CLEC11A: variants seen among roughly 807,000 people sequenced by gnomAD.
The protein encoded by CLEC11A is C-type lectin domain family 11 member A.
In CLEC11A, 35 loss-of-function variants were observed where a neutral mutation model predicts 33.9. The ratio of observed to expected loss-of-function variants is 1.03; its 90% CI spans 0.79 to 1.37. CLEC11A has a LOEUF of 1.37. Ranked by LOEUF, CLEC11A falls within the 40% of genes most tolerant of loss-of-function variation. The pLI, the probability that CLEC11A is intolerant of heterozygous loss-of-function variation, is 0.00. For missense variants in CLEC11A, 519 were observed against 455.5 expected (o/e 1.14, Z -1.27); for synonymous variants, 220 against 202.2 (o/e 1.09, Z -0.75).
In CLEC11A at chr19:50,725,687, A is replaced by G. The variant is rs1435870797; in HGVS notation, c.*220A>G. The G allele has an allele frequency of 8.8e-6, 7 of 795,376 alleles. No homozygotes were observed. The highest frequency in any genetic ancestry group is 1.8e-5 in the African/African-American group (1 of 57,038). The allele number at this position is 795,376 out of a possible 1,614,324, so 49.3% of individuals were successfully genotyped here. A position where few individuals can be genotyped will look rare whatever the true frequency, so the allele number is the denominator to read the frequency against. ...CGGGCACCAGGCTAGGTCCGGTGCC[A>G]ATAAATCCTTGTGGAATCTGACTTG... On this transcript the variant is annotated 3_prime_UTR_variant, in exon 4 of 4. Transcript: ENST00000250340.
Position 50,725,534 on chromosome 19 carries a change from C to T in CLEC11A, c.*67C>T. 2.7e-6 allele frequency: 4 copies of T among 1,466,622 alleles called. No individual in the cohort carries two copies. The South Asian group carries it at 4.2e-5, about 15-fold the overall frequency. The allele number at this position is 1,466,622 out of a possible 1,614,324, so 90.9% of individuals were successfully genotyped here. A position where few individuals can be genotyped will look rare whatever the true frequency, so the allele number is the denominator to read the frequency against. On this transcript the variant is annotated 3_prime_UTR_variant, in exon 4 of 4. Coordinates refer to ENST00000250340, the MANE Select transcript of CLEC11A (RefSeq NM_002975.3). ...CCTTTCCCTGCGCCGTGCCCACCCT[C>T]CTCCGGAATCTCCCTTCCCTTCCTG...
rs765429884 is a variant in CLEC11A, at chr19:50,725,089, G to GGCGGCGCAGGC, written c.599_609dup (p.Cys204ArgfsTer205). The GGCGGCGCAGGC allele has an allele frequency of 6.6e-5, 100 of 1,521,378 alleles. No individual in the cohort carries two copies. The highest frequency in any genetic ancestry group is 1.7e-4 in the Middle Eastern group (1 of 5,860). 94.2% of individuals were successfully genotyped at this position (1,521,378 alleles called of 1,614,324 possible). A position where few individuals can be genotyped will look rare whatever the true frequency, so the allele number is the denominator to read the frequency against. ...TCTCGCGCGACTTCGAAGCTCAGGC[G>GGCGGCGCAGGC]GCGGCGCAGGCGCGGTGCACGGCGC... On this transcript the variant is annotated frameshift_variant, in exon 4 of 4. Coordinates refer to ENST00000250340, the MANE Select transcript of CLEC11A (RefSeq NM_002975.3). LOFTEE classifies it high-confidence loss of function.
In CLEC11A at chr19:50,723,646, C is replaced by A; in HGVS notation, c.121C>A (p.Arg41=). The A allele has an allele frequency of 6.3e-7, 1 of 1,596,512 alleles. No individual in the cohort carries two copies. The highest frequency in any genetic ancestry group is 8.5e-7 in the Non-Finnish European group (1 of 1,172,716). ...GGWGGAQEEE[R]EREALMLKHL... ...CTGGGGAGGTGCCCAGGAGGAGGAG[C>A]GGGAGAGGGAGGCCCTGATGCTGAA... The change falls in exon 1 of 4, where the codon CGG becomes AGG. Residue 41 remains arginine, a synonymous_variant. Coordinates refer to ENST00000250340, the MANE Select transcript of CLEC11A (RefSeq NM_002975.3). The surrounding 1 kb of genome is among the most constrained non-coding windows in gnomAD (Gnocchi z 4.1).
At position 50,725,341 on chromosome 19, in the gene CLEC11A, G is replaced by A. The variant is rs372270047; in HGVS notation, c.846G>A (p.Pro282=). 1.2e-6 allele frequency: 2 copies of A among 1,611,894 alleles called. No individual in the cohort carries two copies. Among genetic ancestry groups the A allele is most frequent in the South Asian group, 1.1e-5 (1 of 90,912 alleles). The stretch of plus-strand genomic sequence containing the variant: ...CCCAGCCCAGCGCCTCGCCGCATCC[G>A]CTCAGCCCGGACCAGCCCAACGGTG... ...LGAQPSASPH[P]LSPDQPNGGT... is the part of the protein sequence containing the mutation. The change falls in exon 4 of 4, where the codon CCG becomes CCA. Residue 282 remains proline (P), a synonymous_variant. Transcript: ENST00000250340.
Position 50,723,395 on chromosome 19 carries a change from C to A in CLEC11A, c.-131C>A. 1 of 859,514 alleles carries A rather than the reference C, an allele frequency of 1.2e-6. No individual in the cohort carries two copies. The highest frequency in any genetic ancestry group is 1.9e-6 in the Non-Finnish European group (1 of 531,742). The allele number at this position is 859,514 out of a possible 1,614,324, so 53.2% of individuals were successfully genotyped here. ...GAGGAGAGGAACAGGAAGAGAGAAG[C>A]TGGGAGAATCGGGAACCTGGGGGCT... is the stretch of plus-strand genomic sequence containing the variant. On this transcript the variant is annotated 5_prime_UTR_variant, in exon 1 of 4. In the 5' UTR this introduces an upstream ATG that the reference lacks. Coordinates refer to ENST00000250340, the MANE Select transcript of CLEC11A (RefSeq NM_002975.3). This position sits in a 1 kb window ranked among gnomAD's most constrained non-coding sequence, Gnocchi z 4.1.
Position 50,725,371 on chromosome 19 carries a change from G to C in CLEC11A, c.876G>C (p.Thr292=). 1 of 1,612,058 alleles carries C rather than the reference G, an allele frequency of 6.2e-7. No individual in the cohort carries two copies. The highest frequency in any genetic ancestry group is 8.5e-7 in the Non-Finnish European group (1 of 1,179,464). Residue 292 remains threonine, a synonymous_variant, in exon 4 of 4, where the codon ACG becomes ACC. Coordinates refer to ENST00000250340, the MANE Select transcript of CLEC11A (RefSeq NM_002975.3). Reference sequence around the variant, plus strand: ...GCCCGGACCAGCCCAACGGTGGCACGCTCGAGAACTGCGTGGCGCAGGCCT... The same window carrying C: ...GCCCGGACCAGCCCAACGGTGGCACCCTCGAGAACTGCGTGGCGCAGGCCT... The part of the protein sequence containing the change: ...PLSPDQPNGG[T]LENCVAQASD...
rs2089179731 is a variant in CLEC11A, at chr19:50,725,373, T to C, written c.878T>C (p.Leu293Pro). The C allele has an allele frequency of 6.2e-7, 1 of 1,612,092 alleles. No homozygotes were observed. The highest frequency in any genetic ancestry group is 8.5e-7 in the Non-Finnish European group (1 of 1,179,494). ...LSPDQPNGGTLENCVAQASDD... is the reference protein window; with the variant it reads ...LSPDQPNGGTPENCVAQASDD... ...CCGGACCAGCCCAACGGTGGCACGC[T>C]CGAGAACTGCGTGGCGCAGGCCTCT... The change falls in exon 4 of 4, where the codon CTC becomes CCC. Residue 293 changes from leucine to proline, a missense_variant. By Grantham distance (98) the Leu-to-Pro change is moderately conservative. Coordinates refer to ENST00000250340, the MANE Select transcript of CLEC11A (RefSeq NM_002975.3).
Position 50,724,377 on chromosome 19 carries a change from T to G in CLEC11A, c.335-33T>G. 2 of 1,438,006 alleles carry G rather than the reference T, an allele frequency of 1.4e-6. No homozygotes were observed. Among genetic ancestry groups the G allele is most frequent in the Non-Finnish European group, 1.8e-6 (2 of 1,102,850 alleles). The allele number at this position is 1,438,006 out of a possible 1,614,324, so 89.1% of individuals were successfully genotyped here. The stretch of plus-strand genomic sequence containing the variant: ...CAGGCCCCCCGCTGCATCTCCAGGC[T>G]CCCCCTCCAGCATGATCCCTGTCTG... On this transcript the variant is annotated intron_variant, in intron 2 of 3. Coordinates refer to ENST00000250340, the MANE Select transcript of CLEC11A (RefSeq NM_002975.3). The surrounding 1 kb of genome is among the most constrained non-coding windows in gnomAD (Gnocchi z 4.1).
In CLEC11A at chr19:50,724,176, T is replaced by C; in HGVS notation, c.334+85T>C. 1.3e-6 allele frequency: 2 copies of C among 1,595,380 alleles called. No individual in the cohort carries two copies. Among genetic ancestry groups the C allele is most frequent in the Non-Finnish European group, 8.5e-7 (1 of 1,173,064 alleles). On this transcript the variant is annotated intron_variant, in intron 2 of 3. Transcript: ENST00000250340. This position sits in a 1 kb window ranked among gnomAD's most constrained non-coding sequence, Gnocchi z 4.1. ...AATGAAGGGTCGGTTCACTGCCAAG[T>C]GGCCTTTCAGTTGTCCATTGCCCAG... is the stretch of plus-strand genomic sequence containing the variant.
Position 50,723,515 on chromosome 19 carries a change from A to G in CLEC11A, c.-11A>G. The G allele has an allele frequency of 6.2e-7, 1 of 1,611,862 alleles. No individual in the cohort carries two copies. The highest frequency in any genetic ancestry group is 8.5e-7 in the Non-Finnish European group (1 of 1,179,784). On this transcript the variant is annotated 5_prime_UTR_variant, in exon 1 of 4. Transcript: ENST00000250340. The surrounding 1 kb of genome is among the most constrained non-coding windows in gnomAD (Gnocchi z 4.1). ...GACATCTGGAACTTTGGGTGCCAAGAGTCCAGCTTAATGCAGGCAGCCTGG... is the reference window on the plus strand; with the variant it reads ...GACATCTGGAACTTTGGGTGCCAAGGGTCCAGCTTAATGCAGGCAGCCTGG...
Position 50,725,172 on chromosome 19 carries a change from A to T in CLEC11A, c.677A>T (p.Tyr226Phe). The T allele has an allele frequency of 5.7e-6, 9 of 1,576,952 alleles. No individual in the cohort carries two copies. Among genetic ancestry groups the T allele is most frequent in the Non-Finnish European group, 7.7e-6 (9 of 1,163,024 alleles). ...CAGCAGATGGAGGCGCTCACTCGGT[A>T]CCTGCGCGCGGCGCTCGCTCCCTAC... ...DRQQMEALTR[Y>F]LRAALAPYNW... Residue 226 changes from tyrosine (Y) to phenylalanine (F), a missense_variant, in exon 4 of 4, where the codon TAC becomes TTC. Transcript: ENST00000250340.
rs1431659334 is a variant in CLEC11A at position 50,724,311 on chromosome 19, C to T, written c.335-99C>T. ...GTCCGGGGTGCCCCCCCCACCGCCACCCCGCCCTCAGGAGCCCTAGATCCC... is the reference window on the plus strand; with the variant it reads ...GTCCGGGGTGCCCCCCCCACCGCCATCCCGCCCTCAGGAGCCCTAGATCCC... On this transcript the variant is annotated intron_variant, in intron 2 of 3. Coordinates refer to ENST00000250340, the MANE Select transcript of CLEC11A (RefSeq NM_002975.3). This position sits in a 1 kb window ranked among gnomAD's most constrained non-coding sequence, Gnocchi z 4.1. 1.8e-6 allele frequency: 2 copies of T among 1,126,210 alleles called. No homozygotes were observed. The highest frequency in any genetic ancestry group is 5.9e-5 in the Admixed American group (2 of 33,822). 69.8% of individuals were successfully genotyped at this position (1,126,210 alleles called of 1,614,324 possible).
At position 50,725,031 on chromosome 19, in the gene CLEC11A, A is replaced by T; in HGVS notation, c.536A>T (p.Lys179Met). ...CCGGCCCCGCCCACAGGCTGCCTGAAGGGGCTGCGCCTGGGCCACAAGTGC... is the reference window on the plus strand; with the variant it reads ...CCGGCCCCGCCCACAGGCTGCCTGATGGGGCTGCGCCTGGGCCACAAGTGC... ...REHGRLEGCL[K>M]GLRLGHKCFL... Residue 179 changes from lysine (K) to methionine (M), a missense_variant, in exon 4 of 4, where the codon AAG becomes ATG. Lys to Met is a moderately conservative substitution (Grantham distance 95). Coordinates refer to ENST00000250340, the MANE Select transcript of CLEC11A (RefSeq NM_002975.3). The T allele has an allele frequency of 6.7e-7, 1 of 1,487,750 alleles. No homozygotes were observed. The highest frequency in any genetic ancestry group is 2.6e-5 in the East Asian group (1 of 38,316). The allele number at this position is 1,487,750 out of a possible 1,614,324, so 92.2% of individuals were successfully genotyped here.
Position 50,725,685 on chromosome 19 carries a change from C to A in CLEC11A, c.*218C>A. ...GGCGGGCACCAGGCTAGGTCCGGTGCCAATAAATCCTTGTGGAATCTGACT... is the reference window on the plus strand; with the variant it reads ...GGCGGGCACCAGGCTAGGTCCGGTGACAATAAATCCTTGTGGAATCTGACT... On this transcript the variant is annotated 3_prime_UTR_variant, in exon 4 of 4. Coordinates refer to ENST00000250340, the MANE Select transcript of CLEC11A (RefSeq NM_002975.3). The A allele has an allele frequency of 2.5e-6, 2 of 799,346 alleles. No individual in the cohort carries two copies. Among genetic ancestry groups the A allele is most frequent in the Non-Finnish European group, 3.8e-6 (2 of 529,292 alleles). The allele number at this position is 799,346 out of a possible 1,614,324, so 49.5% of individuals were successfully genotyped here.
rs2123227169 is a variant in CLEC11A, at chr19:50,725,681, G to A, written c.*214G>A. 3 of 841,550 alleles carry A rather than the reference G, an allele frequency of 3.6e-6. No homozygotes were observed. The highest frequency in any genetic ancestry group is 7.1e-4 in the Middle Eastern group (2 of 2,828). The allele number at this position is 841,550 out of a possible 1,614,324, so 52.1% of individuals were successfully genotyped here. On this transcript the variant is annotated 3_prime_UTR_variant, in exon 4 of 4. Coordinates refer to ENST00000250340, the MANE Select transcript of CLEC11A (RefSeq NM_002975.3). ...AAGGGGCGGGCACCAGGCTAGGTCCGGTGCCAATAAATCCTTGTGGAATCT... is the reference window on the plus strand; with the variant it reads ...AAGGGGCGGGCACCAGGCTAGGTCCAGTGCCAATAAATCCTTGTGGAATCT...
In CLEC11A at chr19:50,725,138, G is replaced by T. The variant is rs758372446; in HGVS notation, c.643G>T (p.Ala215Ser). Residue 215 changes from alanine (A) to serine (S), a missense_variant, in exon 4 of 4, where the codon GCA (alanine) becomes TCA (serine). Physicochemically the swap from Ala to Ser is moderately conservative, Grantham distance 99 (BLOSUM62 1). Coordinates refer to ENST00000250340, the MANE Select transcript of CLEC11A (RefSeq NM_002975.3). ...GCGGGGCGGGAGCCTGGCGCAGCCGGCAGACCGCCAGCAGATGGAGGCGCT... is the reference window on the plus strand; with the variant it reads ...GCGGGGCGGGAGCCTGGCGCAGCCGTCAGACCGCCAGCAGATGGAGGCGCT... Reference protein sequence around the residue: ...TARGGSLAQPADRQQMEALTR... With the variant: ...TARGGSLAQPSDRQQMEALTR... 1.9e-6 allele frequency: 3 copies of T among 1,550,552 alleles called. No individual in the cohort carries two copies. Among genetic ancestry groups the T allele is most frequent in the South Asian group, 2.4e-5 (2 of 84,318 alleles).
At position 50,723,629 on chromosome 19, in the gene CLEC11A, G is replaced by A; in HGVS notation, c.104G>A (p.Gly35Asp). Reference protein sequence around the residue: ...AEREWEGGWGGAQEEEREREA... With the variant: ...AEREWEGGWGDAQEEEREREA... ...AGGGAGTGGGAGGGAGGCTGGGGAG[G>A]TGCCCAGGAGGAGGAGCGGGAGAGG... Residue 35 changes from glycine to aspartate, a missense_variant, in exon 1 of 4, where the codon GGT becomes GAT. Gly to Asp is a moderately conservative substitution (Grantham distance 94, BLOSUM62 -1). Coordinates refer to ENST00000250340, the MANE Select transcript of CLEC11A (RefSeq NM_002975.3). This position sits in a 1 kb window ranked among gnomAD's most constrained non-coding sequence, Gnocchi z 4.1. 1 of 1,606,204 alleles carries A rather than the reference G, an allele frequency of 6.2e-7. No homozygotes were observed. Among genetic ancestry groups the A allele is most frequent in the Non-Finnish European group, 8.5e-7 (1 of 1,177,056 alleles).
At position 50,725,522 on chromosome 19, in the gene CLEC11A, C is replaced by T; in HGVS notation, c.*55C>T. ...CCCACCACCCGGCCTTTCCCTGCGC[C>T]GTGCCCACCCTCCTCCGGAATCTCC... On this transcript the variant is annotated 3_prime_UTR_variant, in exon 4 of 4. Transcript: ENST00000250340. The T allele has an allele frequency of 1.4e-6, 2 of 1,481,286 alleles. No homozygotes were observed. Among genetic ancestry groups the T allele is most frequent in the Non-Finnish European group, 1.8e-6 (2 of 1,111,528 alleles). 91.8% of individuals were successfully genotyped at this position (1,481,286 alleles called of 1,614,324 possible). A position where few individuals can be genotyped will look rare whatever the true frequency, so the allele number is the denominator to read the frequency against.
In CLEC11A at chr19:50,724,405, C is replaced by T. The variant is rs770941751; in HGVS notation, c.335-5C>T. ...CCCTCCAGCATGATCCCTGTCTGTC[C>T]GCAGTGGGCCGCCTGGCCGGCCTGG... On this transcript the variant is annotated splice_polypyrimidine_tract_variant and splice_region_variant and intron_variant, in intron 2 of 3. Coordinates refer to ENST00000250340, the MANE Select transcript of CLEC11A (RefSeq NM_002975.3). The surrounding 1 kb of genome is among the most constrained non-coding windows in gnomAD (Gnocchi z 4.1). The T allele has an allele frequency of 8.7e-6, 13 of 1,498,894 alleles. No homozygotes were observed. Among genetic ancestry groups the T allele is most frequent in the Non-Finnish European group, 4.4e-6 (5 of 1,131,702 alleles). 92.8% of individuals were successfully genotyped at this position (1,498,894 alleles called of 1,614,324 possible).
Sources: allele counts gnomAD v4.1 joint callset, GRCh38; gene constraint gnomAD v4.1.1; non-coding constraint Gnocchi (gnomAD v3.1); transcripts MANE v1.5; gene names NCBI Gene and HGNC (gene_info 2026-07-23, HGNC 2026-07-21).